The following NFIB variants were observed in gnomAD, a reference collection of about 807,000 sequenced individuals.
NFIB encodes nuclear factor 1 B-type.
In NFIB, 11 loss-of-function variants were observed where a neutral mutation model predicts 61.5. The observed-to-expected ratio is 0.18, with a 90% CI of 0.11 to 0.30. The LOEUF is 0.30. Among genes scored for constraint, NFIB ranks in the 10% least tolerant of loss-of-function variants. NFIB has a pLI of 1.00. For missense variants in NFIB, 471 were observed against 608.9 expected (o/e 0.77, Z 2.38); for synonymous variants, 260 against 216.5 (o/e 1.20, Z -1.76).
rs557844024 is a variant in NFIB, at chr9:14,206,546, CTT to C, written c.563-26768_563-26767del. On this transcript the variant is annotated intron_variant, in intron 2 of 10. Transcript: ENST00000380953. ...TGGTCTGACACTGCTGACTTATTAC[CTT>C]TTCTTCCTTGAGAGTTTCCAAATAC... Among the ~76,000 whole-genome samples, 700 of 151,914 alleles carry C rather than the reference CTT, an allele frequency of 4.6e-3. 4 individuals carry two copies. The highest frequency in any genetic ancestry group is 7.8e-3 in the Non-Finnish European group (531 of 67,932).
chr9:14,164,243 T>C (rs1587201500), intron 3 of NFIB, among the ~76,000 whole-genome samples: 1 of 152,084 alleles, frequency 6.6e-6, no homozygotes, highest in East Asian at 1.9e-4. Context: ...TAGTCATGAA[T>C]GGCTTAATGG....
intron 2 of NFIB, among the ~76,000 whole-genome samples, chr9:14,193,982 G>T (rs1411602554): frequency 1.3e-5 from 2 of 151,784 alleles, no homozygotes; most frequent in African/African-American, 2.4e-5. Context: ...CCACCCCCAA[G>T]ATTTATTTTA....
intron 10 of NFIB, among the ~76,000 whole-genome samples, chr9:14,090,144 C>G (rs2033641868): frequency 6.6e-6 from 1 of 151,950 alleles, no homozygotes; most frequent in Admixed American, 6.6e-5. Context: ...ATTTGATCCC[C>G]TATAAAAAGA....
chr9:14,159,277 A>T (rs964323404), intron 3 of NFIB, among the ~76,000 whole-genome samples: 4 of 152,236 alleles, frequency 2.6e-5, no homozygotes, highest in Admixed American at 1.3e-4. Context: ...CCAGGTTCTA[A>T]GAAATTGGAA....
intron 2 of NFIB, among the ~76,000 whole-genome samples, chr9:14,295,059 AGTT>A: frequency 6.6e-6 from 1 of 152,376 alleles, no homozygotes; most frequent in Admixed American, 6.5e-5. Context: ...CTTGGCTTCC[AGTT>A]GTTCTTAGCA....
At chr9:14,357,519 G>C (rs549852708) in intron 1 of NFIB, 3 of 152,278 alleles carry the variant, frequency 2.0e-5, no homozygotes, top group East Asian at 3.9e-4. Flanking sequence ...GAAATAGCAG[G>C]GTTGGAGGTA....
At position 14,220,435 on chromosome 9, in the gene NFIB, C is replaced by T. The variant is rs567246327; in HGVS notation, c.563-40655G>A. On this transcript the variant is annotated intron_variant, in intron 2 of 10. Coordinates refer to ENST00000380953, the MANE Select transcript of NFIB (RefSeq NM_001190737.2). The stretch of plus-strand genomic sequence containing the variant: ...TACTAGGGGAAAGACATGGCATTCT[C>T]CAAATATTATTGAGAGGCATCTTTA... 1.4e-4 allele frequency among the ~76,000 whole-genome samples: 21 copies of T among 152,298 alleles called. No individual in the cohort carries two copies. The South Asian group carries it at 4.1e-3, about 30-fold the overall frequency.
At chr9:14,407,469 G>A in the NFIB span, among the ~76,000 whole-genome samples, 2 of 152,164 alleles carry the variant, frequency 1.3e-5, no homozygotes. Flanking sequence ...TAGGTCTGAG[G>A]AGGGTCCATC....
upstream of NFIB, among the ~76,000 whole-genome samples, chr9:14,318,505 C>CTTTTTTTTTTTTTT (rs34481505): frequency 1.7e-3 from 114 of 66,830 alleles, 1 homozygote; most frequent in Middle Eastern, 0.016. Context: ...CACTCGATGC[C>CTTTTTTTTTTTTTT]TTTTTTTTTT....
At chr9:14,467,003 G>A in the NFIB span, among the ~76,000 whole-genome samples, 4 of 152,154 alleles carry the variant, frequency 2.6e-5, no homozygotes, top group African/African-American at 7.2e-5. Context: ...GCTATGCTGT[G>A]CGGGAGGGGG....
At chr9:14,489,714 T>A in the NFIB span, among the ~76,000 whole-genome samples, 2 of 152,272 alleles carry the variant, frequency 1.3e-5, no homozygotes, top group East Asian at 3.9e-4. Context: ...AATAATAGTA[T>A]GCCACACCCA....
intron 2 of NFIB, among the ~76,000 whole-genome samples, chr9:14,201,671 C>T (rs565628201): frequency 2.5e-4 from 38 of 152,234 alleles, no homozygotes; most frequent in African/African-American, 8.7e-4. Flanking sequence ...TTGTGACCTC[C>T]TGTATCCCAA....
the NFIB span, among the ~76,000 whole-genome samples, chr9:14,500,136 A>G: frequency 1.3e-5 from 2 of 152,124 alleles, no homozygotes; most frequent in African/African-American, 4.8e-5. Flanking sequence ...ATATGTAGGT[A>G]CTGTCATGGT....
intron 6 of NFIB, among the ~76,000 whole-genome samples, chr9:14,145,016 G>A (rs2042130792): frequency 6.6e-6 from 1 of 152,084 alleles, no homozygotes; most frequent in Admixed American, 6.6e-5. Context: ...TCTGAAGTAG[G>A]GGAATAAAAT....
intron 1 of NFIB, among the ~76,000 whole-genome samples, chr9:14,381,589 T>G (rs1240449510): frequency 1.3e-5 from 2 of 152,248 alleles, no homozygotes; most frequent in Non-Finnish European, 2.9e-5. Flanking sequence ...ACATACATGA[T>G]GCAAATACAT....
chr9:14,439,098 T>C, the NFIB span, among the ~76,000 whole-genome samples: 1 of 152,134 alleles, frequency 6.6e-6, no homozygotes, highest in Non-Finnish European at 1.5e-5. Context: ...AGGCTCGGCG[T>C]TGTGGCTCGT....
At chr9:14,230,459 G>T (rs1291754075) in intron 2 of NFIB, among the ~76,000 whole-genome samples, 1 of 152,174 alleles carries the variant, frequency 6.6e-6, no homozygotes, top group Admixed American at 6.5e-5. Context: ...GAATGTCAAG[G>T]AAGACTTCTT....
chr9:14,300,142 G>A, intron 2 of NFIB: 1 of 398,402 alleles, frequency 2.5e-6, no homozygotes, highest in Non-Finnish European at 4.4e-6. Context: ...CACAAAACTG[G>A]AGTTCAAGGT....
intron 1 of NFIB, among the ~76,000 whole-genome samples, chr9:14,311,338 C>G (rs982804702): frequency 6.6e-6 from 1 of 152,112 alleles, no homozygotes; most frequent in Non-Finnish European, 1.5e-5. Context: ...CTACTAGGCT[C>G]TTGTGATACA....
Sources: allele counts gnomAD v4.1 joint callset (sites outside exome capture counted in the v4.1 genomes callset), GRCh38; gene constraint gnomAD v4.1.1; transcripts MANE v1.5; gene names NCBI Gene and HGNC (gene_info 2026-07-23, HGNC 2026-07-21).